The following SASH1 variants were observed in gnomAD, a reference collection of about 807,000 sequenced individuals.
SASH1 encodes SAM and SH3 domain-containing protein 1.
In SASH1, 44 loss-of-function variants were observed where a neutral mutation model predicts 125.2. The ratio of observed to expected loss-of-function variants is 0.35; its 90% CI spans 0.28 to 0.45. The LOEUF (loss-of-function observed/expected upper bound fraction) is 0.45. Ranked by LOEUF, SASH1 falls within the 20% of genes least tolerant of loss-of-function variation. The pLI is 1.00. For missense variants in SASH1, 1,426 were observed against 1,614.5 expected, an observed-to-expected ratio of 0.88 and a Z score of 2.00; for synonymous variants, 639 against 649.1, an observed-to-expected ratio of 0.98 and a Z score of 0.24.
intron 2 of SASH1, among the ~76,000 whole-genome samples, chr6:148,430,462 G>T (rs932781084): frequency 1.2e-4 from 19 of 152,328 alleles, no homozygotes; most frequent in African/African-American, 4.1e-4. Context: ...CTCCCAAGTA[G>T]CTGGGATTAT....
In SASH1 at chr6:148,548,752, A is replaced by C; in HGVS notation, c.*194A>C. 9.1e-6 allele frequency: 5 copies of C among 547,162 alleles called. No homozygotes were observed. Among genetic ancestry groups the C allele is most frequent in the East Asian group, 6.1e-5 (2 of 33,006 alleles). 33.9% of individuals were successfully genotyped at this position (547,162 alleles called of 1,614,324 possible). A position where few individuals can be genotyped will look rare whatever the true frequency, so the allele number is the denominator to read the frequency against. On this transcript the variant is annotated 3_prime_UTR_variant, in exon 20 of 20. Transcript: ENST00000367467. ...CAGAAAAGCCCCCTCGAGGAAATAAATTAGTGCGGTTCTCTTTGACCCCCA... is the reference window on the plus strand; with the variant it reads ...CAGAAAAGCCCCCTCGAGGAAATAACTTAGTGCGGTTCTCTTTGACCCCCA...
chr6:148,245,476 G>T, the SASH1 span, among the ~76,000 whole-genome samples: 3 of 152,262 alleles, frequency 2.0e-5, no homozygotes, highest in East Asian at 5.8e-4. Flanking sequence ...TACTGATTTG[G>T]AAGCATTAAG....
At chr6:148,470,329 T>C (rs1327310542) in intron 5 of SASH1, among the ~76,000 whole-genome samples, 1 of 152,156 alleles carries the variant, frequency 6.6e-6, no homozygotes, top group African/African-American at 2.4e-5. Flanking sequence ...ACCAAAGACA[T>C]GGTTCCCACA....
chr6:148,461,999 A>G (rs1340886976), intron 4 of SASH1, among the ~76,000 whole-genome samples: 3 of 152,074 alleles, frequency 2.0e-5, no homozygotes, highest in South Asian at 4.2e-4. Flanking sequence ...CCCCCTGTAC[A>G]TGCACAATTC....
chr6:148,326,385 T>TACAC (rs1780826397), intron 1 of SASH1, among the ~76,000 whole-genome samples: 1 of 82,908 alleles, frequency 1.2e-5, no homozygotes, highest in South Asian at 5.2e-4. Context: ...CATTCTTTTC[T>TACAC]TTTCTTTTCT....
rs376608715 is a variant in SASH1 at position 148,534,850 on chromosome 6, G to A, written c.2044G>A (p.Glu682Lys). ...GGATGAGTTAAATATCAGGGACCCG[G>A]AACACAGAGCTGTTCTCTTGACAGC... The part of the protein sequence containing the change: ...DLDELNIRDP[E>K]HRAVLLTAVE... Residue 682 changes from glutamate (E) to lysine (K), a missense_variant, in exon 16 of 20, where the codon GAA (glutamate) becomes AAA (lysine). Physicochemically the swap from Glu to Lys is moderately conservative, Grantham distance 56 (BLOSUM62 1). Transcript: ENST00000367467. The A allele has an allele frequency of 1.1e-4, 170 of 1,614,126 alleles. No individual in the cohort carries two copies. The highest frequency in any genetic ancestry group is 1.3e-4 in the Non-Finnish European group (158 of 1,180,054).
At chr6:148,393,808 C>A in intron 2 of SASH1, 1 of 760,254 alleles carries the variant, frequency 1.3e-6, no homozygotes, top group Non-Finnish European at 1.6e-6. Flanking sequence ...TCAAGCCAGG[C>A]TGGAAGCATG....
intron 8 of SASH1, among the ~76,000 whole-genome samples, chr6:148,493,667 G>T (rs1228537955): frequency 2.6e-5 from 4 of 152,120 alleles, no homozygotes; most frequent in Non-Finnish European, 5.9e-5. Flanking sequence ...TTAGATAATC[G>T]CGTGTTGCCT....
At chr6:148,507,847 C>T (rs552541382) in intron 8 of SASH1, among the ~76,000 whole-genome samples, 2 of 152,304 alleles carry the variant, frequency 1.3e-5, no homozygotes, top group South Asian at 2.1e-4. Flanking sequence ...AAGCAACTCA[C>T]ATTGTGCTGT....
rs1781414163 is a variant in SASH1, at chr6:148,529,928, T to G, written c.1429-1598T>G. On this transcript the variant is annotated intron_variant, in intron 12 of 19. Transcript: ENST00000367467. This position sits in a 1 kb window ranked among gnomAD's most constrained non-coding sequence, Gnocchi z 4.2. ...TTCAAGCGATTCTCCCACCTCAGCCTCTTGAGTAGCTGGGACTACAGGCAC... is the reference window on the plus strand; with the variant it reads ...TTCAAGCGATTCTCCCACCTCAGCCGCTTGAGTAGCTGGGACTACAGGCAC... Among the ~76,000 whole-genome samples the G allele has an allele frequency of 6.6e-6, 1 of 152,064 alleles. No homozygotes were observed. Among genetic ancestry groups the G allele is most frequent in the Non-Finnish European group, 1.5e-5 (1 of 67,998 alleles).
At chr6:148,341,317 G>GTTTTTGT (rs1554237591), upstream of SASH1, among the ~76,000 whole-genome samples, 7 of 120,224 alleles carry the variant, frequency 5.8e-5, no homozygotes, top group African/African-American at 2.2e-4. Flanking sequence ...GCTATGTTTT[G>GTTTTTGT]TTTTTTTTTT....
At chr6:148,507,623 C>T (rs927456304) in intron 8 of SASH1, among the ~76,000 whole-genome samples, 14 of 152,086 alleles carry the variant, frequency 9.2e-5, no homozygotes, top group African/African-American at 2.4e-4. Context: ...TGCCCGCCTC[C>T]GTTGGAATTA....
chr6:148,258,029 C>G, the SASH1 span, among the ~76,000 whole-genome samples: 2 of 152,122 alleles, frequency 1.3e-5, no homozygotes, highest in Admixed American at 1.3e-4. Flanking sequence ...CACTGGCAAG[C>G]ACATAAAAAT....
At chr6:148,449,081 T>TCTTTTTCTTTTTC (rs1562420064) in intron 4 of SASH1, among the ~76,000 whole-genome samples, 2 of 134,320 alleles carry the variant, frequency 1.5e-5, no homozygotes, top group African/African-American at 5.4e-5. Context: ...TTCATTTCTT[T>TCTTTTTCTTTTTC]TTTTTTTTTT....
intron 1 of SASH1, among the ~76,000 whole-genome samples, chr6:148,309,506 G>T (rs1194484313): frequency 6.6e-6 from 1 of 152,066 alleles, no homozygotes; most frequent in East Asian, 1.9e-4. Context: ...GCCCCAGATT[G>T]TCTCTGAGCT....
At chr6:148,294,326 T>C (rs897829651) in intron 1 of SASH1, among the ~76,000 whole-genome samples, 3 of 152,180 alleles carry the variant, frequency 2.0e-5, no homozygotes, top group African/African-American at 7.2e-5. Context: ...CCAGGAACGG[T>C]TGAGAACACA....
intron 1 of SASH1, among the ~76,000 whole-genome samples, chr6:148,327,665 G>A (rs1233996632): frequency 2.7e-5 from 4 of 150,930 alleles, no homozygotes; most frequent in East Asian, 2.0e-4. Flanking sequence ...AAGTGGCCAG[G>A]TGCAGTGGCT....
chr6:148,457,334 G>T (rs1393970421), intron 4 of SASH1, among the ~76,000 whole-genome samples: 1 of 151,844 alleles, frequency 6.6e-6, no homozygotes, highest in Admixed American at 6.6e-5. Flanking sequence ...TTTGGCTTTC[G>T]GCTCACAGTA....
chr6:148,277,466 C>T (rs1289098473), intron 1 of SASH1, among the ~76,000 whole-genome samples: 1 of 152,214 alleles, frequency 6.6e-6, no homozygotes, highest in Non-Finnish European at 1.5e-5. Context: ...TGGTCAAACT[C>T]TCTGGGGAGA....
Sources: gnomAD v4.1 joint callset for allele counts (sites outside exome capture counted in the v4.1 genomes callset) on GRCh38, gnomAD v4.1.1 for gene constraint, Gnocchi (gnomAD v3.1) non-coding constraint, MANE v1.5 for transcripts, NCBI Gene and HGNC (gene_info 2026-07-23, HGNC 2026-07-21) for gene names.